Variants in PCDH15 observed in about 807,000 individuals in gnomAD.
The protein encoded by PCDH15 is protocadherin related 15, also known as protocadherin-15.
PCDH15 carries 129 observed loss-of-function variants against 178.5 expected under a neutral mutation model. The observed-to-expected ratio is 0.72, with a 90% CI of 0.63 to 0.84. PCDH15 has a LOEUF of 0.84. Among genes scored for constraint, PCDH15 ranks in the 40% least tolerant of loss-of-function variants. The pLI, the probability that PCDH15 is intolerant of heterozygous loss-of-function variation, is 0.00. For missense variants in PCDH15, 2,230 were observed against 2,099.9 expected (o/e 1.06, Z -1.21); for synonymous variants, 800 against 732.0 (o/e 1.09, Z -1.50).
chr10:54,249,128 TTTG>T (rs2056255856), intron 8 of PCDH15, among the ~76,000 whole-genome samples: 1 of 152,078 alleles, frequency 6.6e-6, no homozygotes, highest in African/African-American at 2.4e-5. Context: ...TGTATCAGTA[TTTG>T]TTATCTATGT....
At position 54,183,632 on chromosome 10, in the gene PCDH15, G is replaced by T. The variant is rs770832129; in HGVS notation, c.1441-39C>A. On this transcript the variant is annotated intron_variant, in intron 12 of 37. Coordinates refer to ENST00000644397, the MANE Select transcript of PCDH15 (RefSeq NM_001384140.1). ...AAAATACACTTAGTAGAGATGTTCT[G>T]CAAATATAAGTAGTACAGAGTTTGC... is the stretch of plus-strand genomic sequence containing the variant. The T allele has an allele frequency of 3.7e-6, 6 of 1,607,432 alleles. No homozygotes were observed. The South Asian group carries it at 6.6e-5, about 18-fold the overall frequency.
At chr10:54,995,365 G>A (rs533241092) in intron 2 of PCDH15, among the ~76,000 whole-genome samples, 207 of 132,036 alleles carry the variant, frequency 1.6e-3, no homozygotes, top group Non-Finnish European at 2.4e-3. Flanking sequence ...GACAGAGCGA[G>A]ACTACGACAG....
rs1463317132 is a variant in PCDH15 at position 54,153,129 on chromosome 10, T to C, written c.1755A>G (p.Ala585=). ...VGRTYALTVQ[A]ADNAPPAERR... The stretch of plus-strand genomic sequence containing the variant: ...GCTCTGCAGGAGGAGCATTATCCGC[T>C]GCTTGGACCGTGAGTGCGTAAGTCC... The change falls in exon 14 of 38, where the codon GCA becomes GCG. Residue 585 remains alanine (A), a synonymous_variant. Transcript: ENST00000644397. The C allele has an allele frequency of 3.1e-6, 5 of 1,613,912 alleles. No individual in the cohort carries two copies. In the South Asian group the frequency reaches 5.5e-5, roughly 18 times the overall value.
intron 13 of PCDH15, among the ~76,000 whole-genome samples, chr10:54,166,177 G>A (rs535155800): frequency 3.7e-4 from 56 of 152,154 alleles, no homozygotes; most frequent in Non-Finnish European, 5.6e-4. Flanking sequence ...ATCTTCACTT[G>A]CCTATCTGAG....
chr10:53,806,258 T>G lies in PCDH15; in HGVS notation c.*321A>C, dbSNP rs920835567. The G allele has an allele frequency of 8.7e-6, 2 of 229,094 alleles. No homozygotes were observed. The highest frequency in any genetic ancestry group is 1.0e-4 in the East Asian group (1 of 9,666). The allele number at this position is 229,094 out of a possible 1,614,324, so 14.2% of individuals were successfully genotyped here. A position where few individuals can be genotyped will look rare whatever the true frequency, so the allele number is the denominator to read the frequency against. The stretch of plus-strand genomic sequence containing the variant: ...AGAAATAAAGCATAATCTATGTTAA[T>G]CAATAAAATATAAATGATTATTTAG... On this transcript the variant is annotated 3_prime_UTR_variant, in exon 38 of 38. Coordinates refer to ENST00000644397, the MANE Select transcript of PCDH15 (RefSeq NM_001384140.1).
chr10:53,808,787 A>G, intron 37 of PCDH15: 1 of 1,612,114 alleles, frequency 6.2e-7, no homozygotes, highest in Non-Finnish European at 8.5e-7. Flanking sequence ...TGATAGCCCC[A>G]TGGACCTCCA....
At chr10:55,021,843 CTTTT>C (rs79306407) in intron 2 of PCDH15, among the ~76,000 whole-genome samples, 4,024 of 152,188 alleles carry the variant, frequency 0.026, 271 homozygotes, top group East Asian at 0.22. Flanking sequence ...GCTAACTGTT[CTTTT>C]ATTATAGTAA....
intron 1 of PCDH15, among the ~76,000 whole-genome samples, chr10:55,299,970 T>C (rs1466240927): frequency 6.6e-6 from 1 of 152,192 alleles, no homozygotes; most frequent in Non-Finnish European, 1.5e-5. Flanking sequence ...AACATTTTTG[T>C]TTATTTTCTA....
rs1346203311 is a variant in PCDH15 at position 54,169,635 on chromosome 10, C to G, written c.1590+13809G>C. The stretch of plus-strand genomic sequence containing the variant: ...TTTGCATACTCCTCTTGTATCCCCC[C>G]ACCTTAACCTACAAGTATAAGATAC... On this transcript the variant is annotated intron_variant, in intron 13 of 37. Transcript: ENST00000644397. Among the ~76,000 whole-genome samples the G allele has an allele frequency of 1.8e-3, 279 of 151,100 alleles. 2 individuals carry two copies. Among genetic ancestry groups the G allele is most frequent in the African/African-American group, 5.3e-3 (216 of 41,032 alleles).
At chr10:55,605,186 A>T (rs1011499658) in intron 2 of PCDH15, among the ~76,000 whole-genome samples, 211 of 151,788 alleles carry the variant, frequency 1.4e-3, no homozygotes, top group African/African-American at 4.8e-3. Flanking sequence ...CTCTCCCAAG[A>T]CTAAACCAGG....
chr10:55,456,415 A>T (rs936630565), intron 2 of PCDH15, among the ~76,000 whole-genome samples: 3 of 152,096 alleles, frequency 2.0e-5, no homozygotes, highest in African/African-American at 7.2e-5. Context: ...ATATATGAAC[A>T]TTATGATCAT....
intron 2 of PCDH15, among the ~76,000 whole-genome samples, chr10:55,339,931 C>T (rs1312426332): frequency 2.7e-5 from 4 of 145,776 alleles, no homozygotes; most frequent in African/African-American, 1.0e-4. Context: ...AAACATTAAA[C>T]AAAGAAAAAA....
At chr10:55,148,360 G>T (rs1014612214) in intron 2 of PCDH15, among the ~76,000 whole-genome samples, 1 of 151,788 alleles carries the variant, frequency 6.6e-6, no homozygotes, top group Non-Finnish European at 1.5e-5. Flanking sequence ...TAAAAGTGAG[G>T]TACATAAATC....
At chr10:54,723,100 CA>C in intron 1 of PCDH15, among the ~76,000 whole-genome samples, 1 of 151,514 alleles carries the variant, frequency 6.6e-6, no homozygotes, top group South Asian at 2.1e-4. Context: ...CAATCCTAAG[CA>C]AAAAGGACGA....
chr10:54,131,175 C>A (rs1342051703), intron 15 of PCDH15, among the ~76,000 whole-genome samples: 2 of 152,094 alleles, frequency 1.3e-5, no homozygotes, highest in African/African-American at 4.8e-5. Flanking sequence ...TTTCCTAGAT[C>A]TTCCTGGATT....
At chr10:55,181,723 T>C (rs979346895) in intron 1 of PCDH15, among the ~76,000 whole-genome samples, 2 of 151,998 alleles carry the variant, frequency 1.3e-5, no homozygotes, top group Non-Finnish European at 2.9e-5. Flanking sequence ...TATATTAAAC[T>C]AAAAAGAGGC....
At chr10:55,421,200 C>T (rs1188993816) in intron 2 of PCDH15, among the ~76,000 whole-genome samples, 1 of 151,296 alleles carries the variant, frequency 6.6e-6, no homozygotes, top group African/African-American at 2.4e-5. Context: ...TGATTACTCA[C>T]AGAACCTTTT....
At chr10:54,593,344 T>A (rs2092000845) in intron 2 of PCDH15, among the ~76,000 whole-genome samples, 1 of 152,144 alleles carries the variant, frequency 6.6e-6, no homozygotes. Context: ...TTAAGTTAAT[T>A]TTTATTTTTG....
chr10:55,454,111 T>C (rs1417337178), intron 2 of PCDH15, among the ~76,000 whole-genome samples: 1 of 151,896 alleles, frequency 6.6e-6, no homozygotes, highest in African/African-American at 2.4e-5. Context: ...TATGGATAGT[T>C]ATATTTATAA....
Sources: allele counts gnomAD v4.1 joint callset (sites outside exome capture counted in the v4.1 genomes callset), GRCh38; gene constraint gnomAD v4.1.1; transcripts MANE v1.5; gene names NCBI Gene and HGNC (gene_info 2026-07-23, HGNC 2026-07-21).